Variants in NTRK2 observed in about 807,000 individuals in gnomAD.
NTRK2 encodes the protein BDNF/NT-3 growth factors receptor.
NTRK2 carries 13 observed loss-of-function variants against 94.5 expected under a neutral mutation model. The observed-to-expected ratio is 0.14, with a 90% confidence interval of 0.09 to 0.22. NTRK2 has a LOEUF of 0.22. Among genes scored for constraint, NTRK2 ranks in the 10% least tolerant of loss-of-function variants. The pLI, the probability that NTRK2 is intolerant of heterozygous loss-of-function variation, is 1.00. For synonymous variants in NTRK2, 372 were observed against 407.4 expected (o/e 0.91, Z 1.05); for missense variants, 639 against 1,071.2 (o/e 0.60, Z 5.63).
Position 84,934,470 on chromosome 9 carries a change from A to C in NTRK2, c.1764+178A>C, listed in dbSNP as rs116629472. On this transcript the variant is annotated intron_variant, in intron 15 of 18. Transcript: ENST00000277120. ...GGAAAGGACATTTGGGGCACATCCA[A>C]CTGTCAGAGGTTCTTCTCAGTGGCC... Among the ~76,000 whole-genome samples, 1,243 of 152,312 alleles carry C rather than the reference A, an allele frequency of 8.2e-3. 13 individuals are homozygous for C. Among genetic ancestry groups the C allele is most frequent in the African/African-American group, 0.028 (1,173 of 41,566 alleles).
At chr9:84,948,655 G>A (rs372368629) in intron 16 of NTRK2, 21 bp downstream of exon 16, 1 of 1,613,098 alleles carries the variant, frequency 6.2e-7, no homozygotes, top group Non-Finnish European at 8.5e-7. Flanking sequence ...GCGGGGAGGT[G>A]GGCTCCAGGA....
chr9:84,801,789 T>G (rs2070489305), intron 12 of NTRK2, among the ~76,000 whole-genome samples: 1 of 152,226 alleles, frequency 6.6e-6, no homozygotes, highest in Non-Finnish European at 1.5e-5. Flanking sequence ...AGTTCTGGGA[T>G]CTTGGACAGT....
chr9:84,833,092 TTGGTGGTGG>T lies in NTRK2; in HGVS notation c.1397-27929_1397-27921del, dbSNP rs925823939. On this transcript the variant is annotated intron_variant, in intron 12 of 18. Coordinates refer to ENST00000277120, the MANE Select transcript of NTRK2 (RefSeq NM_006180.6). The stretch of plus-strand genomic sequence containing the variant: ...TAAAGGTGCATATTCTTGGGCCTCA[TTGGTGGTGG>T]TGGTGGTGGTGGTGGTGGGTGGGTA... 1.3e-4 allele frequency among the ~76,000 whole-genome samples: 16 copies of T among 125,218 alleles called. No individual in the cohort carries two copies. In the East Asian group the frequency reaches 1.6e-3, roughly 13 times the overall value. 82.1% of individuals were successfully genotyped at this position (125,218 alleles called of 152,430 possible). A position where few individuals can be genotyped will look rare whatever the true frequency, so the allele number is the denominator to read the frequency against.
At chr9:84,678,038 C>T (rs946520069) in intron 2 of NTRK2, among the ~76,000 whole-genome samples, 8 of 151,876 alleles carry the variant, frequency 5.3e-5, no homozygotes, top group Admixed American at 4.6e-4. Context: ...GAATTGTCTA[C>T]ACACACACAC....
chr9:84,939,968 A>G (rs1222296053), intron 15 of NTRK2, among the ~76,000 whole-genome samples: 1 of 152,160 alleles, frequency 6.6e-6, no homozygotes, highest in African/African-American at 2.4e-5. Context: ...AACTCAAAAG[A>G]AAGAGAGCTC....
At chr9:84,834,719 G>A (rs960239842) in intron 12 of NTRK2, among the ~76,000 whole-genome samples, 1 of 152,158 alleles carries the variant, frequency 6.6e-6, no homozygotes, top group Admixed American at 6.5e-5. Context: ...AACAGGAAAG[G>A]CATCTGTAAC....
chr9:84,919,851 T>C (rs1282529312), intron 14 of NTRK2, among the ~76,000 whole-genome samples: 2 of 152,208 alleles, frequency 1.3e-5, no homozygotes, highest in African/African-American at 4.8e-5. Context: ...CTCCAGTGCC[T>C]CATGAGGTTG....
At chr9:84,892,656 C>G (rs2076628561) in intron 14 of NTRK2, among the ~76,000 whole-genome samples, 1 of 152,232 alleles carries the variant, frequency 6.6e-6, no homozygotes, top group South Asian at 2.1e-4. Context: ...CACAGTGGCT[C>G]ACGCCTGCAA....
chr9:84,776,465 G>T (rs1210389783), intron 12 of NTRK2, among the ~76,000 whole-genome samples: 2 of 152,070 alleles, frequency 1.3e-5, no homozygotes, highest in Non-Finnish European at 2.9e-5. Flanking sequence ...CAAGTGATCC[G>T]CCCACCTTGG....
chr9:84,730,801 A>AAAAAAAAAAAAAAAAAC, intron 9 of NTRK2, among the ~76,000 whole-genome samples: 1 of 147,570 alleles, frequency 6.8e-6, no homozygotes, highest in African/African-American at 2.5e-5. Flanking sequence ...AAAAAAAAAA[A>AAAAAAAAAAAAAAAAAC]AAAAAAATCC....
In NTRK2 at chr9:84,784,922, A is replaced by G. The variant is rs143751080; in HGVS notation, c.1396+32837A>G. Among the ~76,000 whole-genome samples the G allele has an allele frequency of 8.0e-3, 1,216 of 152,252 alleles. 8 individuals carry two copies. Among genetic ancestry groups the G allele is most frequent in the Middle Eastern group, 0.031 (9 of 294 alleles). On this transcript the variant is annotated intron_variant, in intron 12 of 18. Coordinates refer to ENST00000277120, the MANE Select transcript of NTRK2 (RefSeq NM_006180.6). ...AGGGGGTTTATTTATATCCTTAGTG[A>G]GTGTTTTTTTCTTCTCGCAATTTAG...
intron 12 of NTRK2, among the ~76,000 whole-genome samples, chr9:84,820,534 T>C (rs1049934881): frequency 1.3e-5 from 2 of 152,214 alleles, no homozygotes; most frequent in African/African-American, 2.4e-5. Flanking sequence ...CATAGACTAG[T>C]ATCTACATGT....
Position 84,876,525 on chromosome 9 carries a change from A to T in NTRK2, c.1633+9094A>T, listed in dbSNP as rs137928364. The T allele has an allele frequency of 6.6e-6, 7 of 1,056,318 alleles. No individual in the cohort carries two copies. The African/African-American group carries it at 1.2e-4, about 17-fold the overall frequency. 65.4% of individuals were successfully genotyped at this position (1,056,318 alleles called of 1,614,324 possible). On this transcript the variant is annotated intron_variant, in intron 14 of 18. Coordinates refer to ENST00000277120, the MANE Select transcript of NTRK2 (RefSeq NM_006180.6). ...CACTAACTGCTTTACCCAGGATCAG[A>T]ACTCATGTTCTTACCTTCTATTAAT...
At chr9:84,995,693 A>G (rs1829671442) in intron 17 of NTRK2, among the ~76,000 whole-genome samples, 1 of 152,170 alleles carries the variant, frequency 6.6e-6, no homozygotes, top group Non-Finnish European at 1.5e-5. Context: ...AATATACTAC[A>G]TATATAAAGA....
chr9:84,749,020 G>C (rs1245998822), intron 11 of NTRK2, among the ~76,000 whole-genome samples: 1 of 152,078 alleles, frequency 6.6e-6, no homozygotes, highest in Non-Finnish European at 1.5e-5. Context: ...CCTGAGGTTG[G>C]GAGTTCGAGA....
At chr9:85,000,774 A>G (rs917818103) in intron 17 of NTRK2, among the ~76,000 whole-genome samples, 6 of 152,190 alleles carry the variant, frequency 3.9e-5, no homozygotes. Flanking sequence ...TTGGGTAAAT[A>G]CCATGGAGCA....
intron 2 of NTRK2, among the ~76,000 whole-genome samples, chr9:84,689,322 C>A (rs2059907433): frequency 6.6e-6 from 1 of 152,146 alleles, no homozygotes; most frequent in Non-Finnish European, 1.5e-5. Flanking sequence ...TCGTGTAGGA[C>A]CTGGTGTGCT....
intron 17 of NTRK2, among the ~76,000 whole-genome samples, chr9:84,984,655 A>C (rs956317587): frequency 3.3e-5 from 5 of 152,222 alleles, no homozygotes; most frequent in Non-Finnish European, 7.3e-5. Flanking sequence ...AACCACCACT[A>C]TATGATACAG....
chr9:84,982,920 A>G (rs760026942), intron 17 of NTRK2, among the ~76,000 whole-genome samples: 1 of 152,200 alleles, frequency 6.6e-6, no homozygotes, highest in Non-Finnish European at 1.5e-5. Context: ...AGCAGATTAT[A>G]TAGATTTTTC....
Sources: allele counts gnomAD v4.1 joint callset (sites outside exome capture counted in the v4.1 genomes callset), GRCh38; gene constraint gnomAD v4.1.1; transcripts MANE v1.5; gene names NCBI Gene and HGNC (gene_info 2026-07-23, HGNC 2026-07-21).